Variants in PDZD2 observed in about 807,000 individuals in gnomAD.
PDZD2 encodes PDZ domain containing 2, also known as PDZ domain-containing protein 2.
A neutral mutation model predicts 220.7 loss-of-function variants in PDZD2; 90 were observed. The observed-to-expected ratio is 0.41, with a 90% CI of 0.34 to 0.49. The LOEUF is 0.49. Ranked by LOEUF, PDZD2 falls within the 20% of genes least tolerant of loss-of-function variation. The pLI is 0.28. For missense variants in PDZD2, 3,174 were observed against 3,608.5 expected (o/e 0.88, Z 3.08); for synonymous variants, 1,375 against 1,450.5 (o/e 0.95, Z 1.18).
intron 6 of PDZD2, among the ~76,000 whole-genome samples, chr5:32,015,114 G>A (rs1165706093): frequency 6.6e-6 from 1 of 150,798 alleles, no homozygotes; most frequent in Non-Finnish European, 1.5e-5. Flanking sequence ...GCTGATTTTT[G>A]TATTTTTAGT....
At chr5:31,800,438 C>T (rs542466574) in intron 2 of PDZD2, among the ~76,000 whole-genome samples, 1 of 152,274 alleles carries the variant, frequency 6.6e-6, no homozygotes, top group Non-Finnish European at 1.5e-5. Flanking sequence ...GTCATGTAAA[C>T]ATGGAGTACC....
At chr5:31,902,843 A>G (rs555738180) in intron 2 of PDZD2, among the ~76,000 whole-genome samples, 5 of 148,756 alleles carry the variant, frequency 3.4e-5, no homozygotes, top group African/African-American at 1.2e-4. Flanking sequence ...TCCAGCCTGG[A>G]TGACAGTGAG....
chr5:31,654,248 C>G (rs111500494), intron 1 of PDZD2, among the ~76,000 whole-genome samples: 1,532 of 152,294 alleles, frequency 0.01, 25 homozygotes, highest in African/African-American at 0.035. Flanking sequence ...GACACACACA[C>G]AGGTCATCCC....
At chr5:31,886,580 T>C (rs1369510094) in intron 2 of PDZD2, among the ~76,000 whole-genome samples, 1 of 151,704 alleles carries the variant, frequency 6.6e-6, no homozygotes, top group East Asian at 1.9e-4. Context: ...GATGCTGAGA[T>C]GTGTGGGCCC....
intron 2 of PDZD2, among the ~76,000 whole-genome samples, chr5:31,907,514 G>A (rs967245929): frequency 2.0e-5 from 3 of 152,146 alleles, no homozygotes; most frequent in Non-Finnish European, 2.9e-5. Context: ...AAAAGCTCTG[G>A]TTAATACACC....
chr5:31,738,186 T>C (rs1457813981), intron 1 of PDZD2: 1 of 152,236 alleles, frequency 6.6e-6, no homozygotes, highest in Non-Finnish European at 1.5e-5. Context: ...CATGGAGTCC[T>C]CAGCTTTAAC....
Position 32,083,263 on chromosome 5 carries a change from C to T in PDZD2, c.3683-3868C>T, listed in dbSNP as rs1030000832. 6.6e-6 allele frequency among the ~76,000 whole-genome samples: 1 copy of T among 151,972 alleles called. No homozygotes were observed. On this transcript the variant is annotated intron_variant, in intron 19 of 24. Transcript: ENST00000438447. The surrounding 1 kb of genome is among the most constrained non-coding windows in gnomAD (Gnocchi z 4.1). ...AACAACCTTTTTAAACCTCATACAT[C>T]CACACGAAATAATATTTGAGCAGCC...
intron 1 of PDZD2, among the ~76,000 whole-genome samples, chr5:31,728,875 GTC>G (rs374628746): frequency 1.1e-4 from 17 of 150,536 alleles, no homozygotes; most frequent in African/African-American, 1.7e-4. Flanking sequence ...TTGAGACAGA[GTC>G]TCTCTCTCTC....
At chr5:31,684,345 T>C (rs969336239) in intron 1 of PDZD2, among the ~76,000 whole-genome samples, 6 of 152,090 alleles carry the variant, frequency 3.9e-5, no homozygotes, top group Admixed American at 1.3e-4. Context: ...GCAATGGGAG[T>C]CATCCTGGAT....
At chr5:31,910,846 C>A (rs190534362) in intron 2 of PDZD2, among the ~76,000 whole-genome samples, 3 of 152,030 alleles carry the variant, frequency 2.0e-5, no homozygotes, top group Non-Finnish European at 2.9e-5. Flanking sequence ...TGCTTTTAAC[C>A]GCCATGCTAC....
At chr5:31,913,566 T>C (rs904968009) in intron 2 of PDZD2, among the ~76,000 whole-genome samples, 1 of 152,192 alleles carries the variant, frequency 6.6e-6, no homozygotes, top group Non-Finnish European at 1.5e-5. Context: ...TGTTAACTTC[T>C]GGGCATTTCT....
chr5:32,005,262 A>G (rs1432791121), intron 5 of PDZD2, among the ~76,000 whole-genome samples: 1 of 152,176 alleles, frequency 6.6e-6, no homozygotes, highest in Admixed American at 6.5e-5. Flanking sequence ...TTGTTGCAAA[A>G]CTTTAAGGCA....
intron 19 of PDZD2, among the ~76,000 whole-genome samples, chr5:32,085,078 C>T (rs1742315397): frequency 6.6e-6 from 1 of 150,410 alleles, no homozygotes; most frequent in African/African-American, 2.4e-5. Flanking sequence ...CCTCAGCCTC[C>T]CAAGTAGCTG....
chr5:32,047,203 C>T (rs900813333), intron 7 of PDZD2, among the ~76,000 whole-genome samples: 1 of 151,958 alleles, frequency 6.6e-6, no homozygotes, highest in African/African-American at 2.4e-5. Flanking sequence ...ATCTTGATCT[C>T]GTTAGTCATC....
Position 32,088,667 on chromosome 5 carries a change from A to G in PDZD2, c.5219A>G (p.Asp1740Gly). The change falls in exon 20 of 25, where the codon GAT (aspartate) becomes GGT (glycine). Residue 1740 changes from aspartate to glycine, a missense_variant. Physicochemically the swap from Asp to Gly is moderately conservative, Grantham distance 94. This residue lies in a region of PDZD2 where 1,861 missense variants were observed against 2,001.0 expected (regional missense o/e 0.93). Coordinates refer to ENST00000438447, the MANE Select transcript of PDZD2 (RefSeq NM_178140.4). This position sits in a 1 kb window ranked among gnomAD's most constrained non-coding sequence, Gnocchi z 4.6. The stretch of plus-strand genomic sequence containing the variant: ...AATGGCTTGGAACATGACCTGCTAG[A>G]TGACGAAACCCTGAATCAATACGAA... Reference protein sequence around the residue: ...MVNGLEHDLLDDETLNQYETS... With the variant: ...MVNGLEHDLLGDETLNQYETS... 6.2e-7 allele frequency: 1 copy of G among 1,614,028 alleles called. No homozygotes were observed.
chr5:31,975,556 C>A (rs1254952089), intron 2 of PDZD2, among the ~76,000 whole-genome samples: 10 of 152,114 alleles, frequency 6.6e-5, no homozygotes, highest in Non-Finnish European at 1.0e-4. Context: ...CAGCCCCAGC[C>A]ATTTATGCTG....
rs1743095355 is a variant in PDZD2 at position 32,091,008 on chromosome 5, G to A, written c.7560G>A (p.Arg2520=). The A allele has an allele frequency of 6.2e-7, 1 of 1,613,772 alleles. No individual in the cohort carries two copies. Among genetic ancestry groups the A allele is most frequent in the African/African-American group, 1.3e-5 (1 of 74,896 alleles). ...FKTELEITPR[R]SPGPPAGGVS... ...CTGAGCTGGAGATCACCCCCAGGAG[G>A]TCACCTGGCCCTCCTGCTGGAGGCG... Residue 2520 remains arginine (R), a synonymous_variant, in exon 20 of 25, where the codon AGG becomes AGA. Coordinates refer to ENST00000438447, the MANE Select transcript of PDZD2 (RefSeq NM_178140.4).
intron 1 of PDZD2, among the ~76,000 whole-genome samples, chr5:31,703,586 C>T (rs559353271): frequency 4.6e-5 from 7 of 152,170 alleles, no homozygotes; most frequent in African/African-American, 1.7e-4. Context: ...CACATGCATG[C>T]CGATGTAATA....
intron 2 of PDZD2, among the ~76,000 whole-genome samples, chr5:31,960,742 TTC>T (rs10542569): frequency 0.28 from 43,230 of 152,052 alleles, 6,608 homozygotes; most frequent in Middle Eastern, 0.39. Context: ...TAACCCGTGC[TTC>T]TGTTGAAGCA....
Sources: gnomAD v4.1 joint callset for allele counts (sites outside exome capture counted in the v4.1 genomes callset) on GRCh38, gnomAD v4.1.1 for gene constraint, gnomAD v4.1.1 regional missense constraint, Gnocchi (gnomAD v3.1) non-coding constraint, MANE v1.5 for transcripts, NCBI Gene and HGNC (gene_info 2026-07-23, HGNC 2026-07-21) for gene names.